Variants in CEMIP observed in about 807,000 individuals in gnomAD.
CEMIP encodes cell migration inducing hyaluronidase 1, also known as cell migration-inducing and hyaluronan-binding protein.
A neutral mutation model predicts 156.9 loss-of-function variants in CEMIP; 105 were observed. The ratio of observed to expected loss-of-function variants is 0.67; its 90% confidence interval spans 0.57 to 0.79. CEMIP has a LOEUF of 0.79. CEMIP is among the 30% of genes least tolerant of loss of function. The pLI is 0.00. For missense variants in CEMIP, 1,457 were observed against 1,769.4 expected (o/e 0.82, Z 3.17); for synonymous variants, 676 against 668.4 (o/e 1.01, Z -0.17).
intron 1 of CEMIP, among the ~76,000 whole-genome samples, chr15:80,845,001 T>G (rs1472882241): frequency 6.6e-6 from 1 of 152,202 alleles, no homozygotes; most frequent in Non-Finnish European, 1.5e-5. Flanking sequence ...GTATGAATGA[T>G]TTGTAAAACG....
At chr15:80,868,833 A>G (rs535911654) in intron 1 of CEMIP, among the ~76,000 whole-genome samples, 21 of 152,242 alleles carry the variant, frequency 1.4e-4, no homozygotes, top group Non-Finnish European at 2.6e-4. Context: ...CGCACCTAAC[A>G]GGACCCTGGT....
intron 23 of CEMIP, among the ~76,000 whole-genome samples, chr15:80,935,969 C>T (rs1901106315): frequency 6.6e-6 from 1 of 152,216 alleles, no homozygotes; most frequent in South Asian, 2.1e-4. Flanking sequence ...AACTCCCAAC[C>T]TCAGGTGATC....
At chr15:80,785,949 T>C (rs78052725) in intron 1 of CEMIP, among the ~76,000 whole-genome samples, 1 of 152,218 alleles carries the variant, frequency 6.6e-6, no homozygotes, top group Non-Finnish European at 1.5e-5. Flanking sequence ...CTCTTTCCTT[T>C]AGGAGACCTT....
At chr15:80,794,033 G>T (rs949709991) in intron 1 of CEMIP, among the ~76,000 whole-genome samples, 1 of 152,200 alleles carries the variant, frequency 6.6e-6, no homozygotes, top group Non-Finnish European at 1.5e-5. Context: ...GTTGCCAAGT[G>T]GGTTCCTGGT....
chr15:80,889,326 G>A, intron 9 of CEMIP, 145 bp from the exon 10 acceptor site: 23 of 1,076,860 alleles, frequency 2.1e-5, no homozygotes, highest in Non-Finnish European at 3.1e-5. Context: ...AGATTGATTA[G>A]AGCCATCCAT....
chr15:80,841,510 C>G (rs746480875), intron 1 of CEMIP, among the ~76,000 whole-genome samples: 11 of 152,202 alleles, frequency 7.2e-5, no homozygotes, highest in Non-Finnish European at 1.2e-4. Context: ...ATGGGGGAAG[C>G]GGGCAAGGGA....
intron 16 of CEMIP, among the ~76,000 whole-genome samples, chr15:80,921,481 C>T (rs1291251792): frequency 1.3e-5 from 2 of 152,052 alleles, no homozygotes; most frequent in East Asian, 1.9e-4. Flanking sequence ...TATTATTATC[C>T]CCATCTGATG....
At chr15:80,923,266 G>A (rs1013449989) in intron 17 of CEMIP, among the ~76,000 whole-genome samples, 1 of 152,162 alleles carries the variant, frequency 6.6e-6, no homozygotes, top group Non-Finnish European at 1.5e-5. Flanking sequence ...CTTGACAGAG[G>A]AGAATTAGTG....
intron 4 of CEMIP, among the ~76,000 whole-genome samples, chr15:80,879,178 A>T: frequency 6.6e-6 from 1 of 152,254 alleles, no homozygotes; most frequent in East Asian, 1.9e-4. Flanking sequence ...TTGACCAGAC[A>T]GGCATTATTT....
At chr15:80,790,356 C>A (rs1202537043) in intron 1 of CEMIP, among the ~76,000 whole-genome samples, 1 of 152,194 alleles carries the variant, frequency 6.6e-6, no homozygotes, top group Non-Finnish European at 1.5e-5. Flanking sequence ...TAAAGCCTGA[C>A]TAAAGTCAAT....
rs759394613 is a variant in CEMIP, at chr15:80,920,149, G to A, written c.1853G>A (p.Gly618Glu). 6.2e-7 allele frequency: 1 copy of A among 1,614,176 alleles called. No homozygotes were observed. Among genetic ancestry groups the A allele is most frequent in the African/African-American group, 1.3e-5 (1 of 75,036 alleles). The change falls in exon 15 of 30, where the codon GGG (glycine) becomes GAG (glutamate). Residue 618 changes from glycine (G) to glutamate (E), a missense_variant. Physicochemically the swap from Gly to Glu is moderately conservative, Grantham distance 98. Coordinates refer to ENST00000394685, the MANE Select transcript of CEMIP (RefSeq NM_001293298.2). The stretch of plus-strand genomic sequence containing the variant: ...GGCCACTGCTTCTTCACGGAAGATG[G>A]GCCGGAGGAACGCAACACTTTTGAC... The part of the protein sequence containing the change: ...SLGHCFFTED[G>E]PEERNTFDHC...
chr15:80,859,030 C>T (rs777199156), intron 1 of CEMIP, among the ~76,000 whole-genome samples: 3 of 152,220 alleles, frequency 2.0e-5, no homozygotes, highest in Non-Finnish European at 4.4e-5. Context: ...TCCAGGCTTG[C>T]CAACCACAGT....
At chr15:80,937,382 T>A (rs888210854) in intron 24 of CEMIP, among the ~76,000 whole-genome samples, 1 of 152,226 alleles carries the variant, frequency 6.6e-6, no homozygotes, top group African/African-American at 2.4e-5. Flanking sequence ...AGTATTTCTG[T>A]GAGACAGACA....
chr15:80,876,581 G>A (rs1267232498), intron 3 of CEMIP, among the ~76,000 whole-genome samples: 2 of 152,252 alleles, frequency 1.3e-5, no homozygotes, highest in Non-Finnish European at 2.9e-5. Flanking sequence ...GGCAGAGGGA[G>A]CCTAGAGGAG....
chr15:80,872,248 C>T (rs1898320603), intron 1 of CEMIP, among the ~76,000 whole-genome samples: 1 of 152,160 alleles, frequency 6.6e-6, no homozygotes, highest in Non-Finnish European at 1.5e-5. Context: ...TCTGTTTGTT[C>T]CTGGGCACAA....
At chr15:80,884,514 T>G (rs772004364) in intron 7 of CEMIP, among the ~76,000 whole-genome samples, 160 bp downstream of exon 7, 2 of 152,226 alleles carry the variant, frequency 1.3e-5, no homozygotes, top group Non-Finnish European at 2.9e-5. Context: ...TTTGGCATAT[T>G]TGGGAATTGT....
At chr15:80,942,747 G>A (rs575184320) in intron 27 of CEMIP, among the ~76,000 whole-genome samples, 198 bp from the exon 28 acceptor site, 146 of 152,334 alleles carry the variant, frequency 9.6e-4, no homozygotes, top group African/African-American at 3.4e-3. Context: ...CACAGGTTCC[G>A]GGTGGACATA....
chr15:80,817,360 C>T (rs1567057582), intron 1 of CEMIP, among the ~76,000 whole-genome samples: 1 of 151,914 alleles, frequency 6.6e-6, no homozygotes, highest in African/African-American at 2.4e-5. Context: ...ACTGAGAGGA[C>T]GAGGTGGGTG....
At chr15:80,812,280 G>A (rs965820899) in intron 1 of CEMIP, among the ~76,000 whole-genome samples, 1 of 152,150 alleles carries the variant, frequency 6.6e-6, no homozygotes, top group Non-Finnish European at 1.5e-5. Flanking sequence ...CCTGCATCTG[G>A]GGATCACTTA....
Sources: allele counts gnomAD v4.1 joint callset (sites outside exome capture counted in the v4.1 genomes callset), GRCh38; gene constraint gnomAD v4.1.1; transcripts MANE v1.5; gene names NCBI Gene and HGNC (gene_info 2026-07-23, HGNC 2026-07-21).